Variants in PRKAR2B observed in about 807,000 individuals in gnomAD.
The protein encoded by PRKAR2B is cAMP-dependent protein kinase type II-beta regulatory subunit.
A neutral mutation model predicts 49.9 loss-of-function variants in PRKAR2B; 14 were observed. That is an observed-to-expected ratio of 0.28 (90% CI 0.19 to 0.44). PRKAR2B has a LOEUF of 0.44. Ranked by LOEUF, PRKAR2B falls within the 20% of genes least tolerant of loss-of-function variation. The probability of loss-of-function intolerance (pLI) is 1.00; values close to 1 mark genes in which losing one functional copy is unlikely to be tolerated. For missense variants in PRKAR2B, 393 were observed against 537.9 expected, an observed-to-expected ratio of 0.73 and a Z score of 2.67; for synonymous variants, 196 against 197.7, an observed-to-expected ratio of 0.99 and a Z score of 0.07.
At chr7:107,139,789 G>T (rs2115634607) in intron 4 of PRKAR2B, among the ~76,000 whole-genome samples, 2 of 152,306 alleles carry the variant, frequency 1.3e-5, no homozygotes, top group South Asian at 4.1e-4. Flanking sequence ...AGAATCACAT[G>T]TGATCTGTTA....
chr7:107,157,095 C>T (rs1190724801), intron 9 of PRKAR2B, 46 bp downstream of exon 9: 1 of 1,606,208 alleles, frequency 6.2e-7, no homozygotes, highest in Admixed American at 1.7e-5. Flanking sequence ...TAGCAAGGAA[C>T]ACAACAGATC....
intron 2 of PRKAR2B, among the ~76,000 whole-genome samples, chr7:107,096,539 T>C (rs1794841634): frequency 6.6e-6 from 1 of 152,156 alleles, no homozygotes; most frequent in Non-Finnish European, 1.5e-5. Context: ...TAGTTATTTC[T>C]TGCATTCTGC....
At chr7:107,106,975 G>A (rs1795084415) in intron 2 of PRKAR2B, among the ~76,000 whole-genome samples, 1 of 152,110 alleles carries the variant, frequency 6.6e-6, no homozygotes, top group South Asian at 2.1e-4. Context: ...TGCACATAAG[G>A]GGCCTCTCCT....
At chr7:107,123,318 G>A (rs1795421782) in intron 3 of PRKAR2B, among the ~76,000 whole-genome samples, 1 of 152,120 alleles carries the variant, frequency 6.6e-6, no homozygotes, top group Non-Finnish European at 1.5e-5. Context: ...AAGTGTTTTG[G>A]CAGGTTCACT....
intron 1 of PRKAR2B, among the ~76,000 whole-genome samples, chr7:107,064,617 A>G (rs1318477903): frequency 6.6e-6 from 1 of 152,230 alleles, no homozygotes; most frequent in Non-Finnish European, 1.5e-5. Flanking sequence ...AAGACCATGA[A>G]GCCTTGGAGG....
At chr7:107,066,725 C>T (rs778968509) in intron 1 of PRKAR2B, 5 of 151,996 alleles carry the variant, frequency 3.3e-5, no homozygotes, top group Non-Finnish European at 5.9e-5. Context: ...CTCACCACCA[C>T]GCCCGGCTAA....
Position 107,099,877 on chromosome 7 carries a change from G to A in PRKAR2B, c.344-22075G>A, listed in dbSNP as rs189721574. Reference sequence around the variant, plus strand: ...TCTTGATCTCCTGACCTCGTGATCCGCCCGCCTTGGCCTCCGTAAGTGTTG... The same window carrying A: ...TCTTGATCTCCTGACCTCGTGATCCACCCGCCTTGGCCTCCGTAAGTGTTG... On this transcript the variant is annotated intron_variant, in intron 2 of 10. Coordinates refer to ENST00000265717, the MANE Select transcript of PRKAR2B (RefSeq NM_002736.3). Among the ~76,000 whole-genome samples the A allele has an allele frequency of 5.3e-5, 8 of 152,094 alleles. 1 individual carries two copies. Among genetic ancestry groups the A allele is most frequent in the Non-Finnish European group, 7.4e-5 (5 of 67,970 alleles).
chr7:107,096,094 G>A (rs1335253370), intron 2 of PRKAR2B, among the ~76,000 whole-genome samples: 1 of 152,188 alleles, frequency 6.6e-6, no homozygotes, highest in African/African-American at 2.4e-5. Flanking sequence ...GCTCCTCTTT[G>A]TACCTCTGGT....
intron 1 of PRKAR2B, among the ~76,000 whole-genome samples, chr7:107,062,051 T>G (rs2116760886): frequency 1.3e-5 from 2 of 152,296 alleles, no homozygotes; most frequent in Middle Eastern, 6.8e-3. Flanking sequence ...ACATACCTTA[T>G]GTTGGCTGGA....
At chr7:107,101,058 G>T (rs1794952858) in intron 2 of PRKAR2B, among the ~76,000 whole-genome samples, 2 of 150,454 alleles carry the variant, frequency 1.3e-5, no homozygotes, top group South Asian at 4.2e-4. Flanking sequence ...TTACAAGTTT[G>T]CTGAGGACTG....
chr7:107,075,860 T>C (rs1385595916), intron 2 of PRKAR2B, among the ~76,000 whole-genome samples: 1 of 152,190 alleles, frequency 6.6e-6, no homozygotes, highest in Admixed American at 6.5e-5. Context: ...TCCTTTAATA[T>C]GGGCATCTTT....
intron 2 of PRKAR2B, among the ~76,000 whole-genome samples, chr7:107,076,224 G>A (rs574587485): frequency 2.0e-5 from 3 of 152,150 alleles, no homozygotes; most frequent in Non-Finnish European, 4.4e-5. Flanking sequence ...AAGAAAAAGG[G>A]CATTCTTCTA....
intron 2 of PRKAR2B, among the ~76,000 whole-genome samples, chr7:107,096,023 G>T (rs1276554746): frequency 6.6e-6 from 1 of 152,186 alleles, no homozygotes. Context: ...CTCATAAAAT[G>T]AGTTAGGGAG....
chr7:107,088,042 A>T (rs1249231873), intron 2 of PRKAR2B, among the ~76,000 whole-genome samples: 1 of 152,078 alleles, frequency 6.6e-6, no homozygotes, highest in Non-Finnish European at 1.5e-5. Flanking sequence ...ACATTCATTG[A>T]TTTACAGTAT....
At chr7:107,089,053 C>G (rs1794673069) in intron 2 of PRKAR2B, among the ~76,000 whole-genome samples, 1 of 151,698 alleles carries the variant, frequency 6.6e-6, no homozygotes, top group Non-Finnish European at 1.5e-5. Flanking sequence ...CCTGTAATCT[C>G]TGCTACTCGG....
chr7:107,094,084 C>T (rs1281450319), intron 2 of PRKAR2B, among the ~76,000 whole-genome samples: 1 of 152,190 alleles, frequency 6.6e-6, no homozygotes, highest in Non-Finnish European at 1.5e-5. Flanking sequence ...GAGGAATCGC[C>T]ACACTGTCTT....
Position 107,128,308 on chromosome 7 carries a change from TTAA to T in PRKAR2B, c.480+19_480+21del. The T allele has an allele frequency of 1.3e-6, 2 of 1,584,340 alleles. No homozygotes were observed. The highest frequency in any genetic ancestry group is 1.7e-6 in the Non-Finnish European group (2 of 1,153,064). On this transcript the variant is annotated intron_variant, in intron 4 of 10. Transcript: ENST00000265717. The stretch of plus-strand genomic sequence containing the variant: ...GAATCTGGATCCGGTAAGATAAATC[TTAA>T]TAATAGAAATGGCTTTGTTTTTTCC...
intron 1 of PRKAR2B, among the ~76,000 whole-genome samples, chr7:107,051,398 A>C (rs528439206): frequency 6.6e-6 from 1 of 152,260 alleles, no homozygotes; most frequent in East Asian, 1.9e-4. Context: ...GATTTTTCTG[A>C]ATTGAATGAA....
intron 2 of PRKAR2B, among the ~76,000 whole-genome samples, chr7:107,079,898 CAT>C (rs1335942179): frequency 6.6e-6 from 1 of 152,100 alleles, no homozygotes; most frequent in Non-Finnish European, 1.5e-5. Flanking sequence ...TTTCTCCAGG[CAT>C]GTGTGTAGAG....
Sources: allele counts gnomAD v4.1 joint callset (sites outside exome capture counted in the v4.1 genomes callset), GRCh38; gene constraint gnomAD v4.1.1; transcripts MANE v1.5; gene names NCBI Gene and HGNC (gene_info 2026-07-23, HGNC 2026-07-21).